The following SIAH1 variants were observed in gnomAD, a reference collection of about 807,000 sequenced individuals.
The protein encoded by SIAH1 is siah E3 ubiquitin protein ligase 1, also known as E3 ubiquitin-protein ligase SIAH1.
SIAH1 carries 2 observed loss-of-function variants against 20.0 expected under a neutral mutation model. The observed-to-expected ratio is 0.10, with a 90% CI of 0.04 to 0.31. SIAH1 has a LOEUF of 0.31. Among genes scored for constraint, SIAH1 ranks in the 10% least tolerant of loss-of-function variants. SIAH1 has a pLI of 1.00. For missense variants in SIAH1, 119 were observed against 355.3 expected (o/e 0.33, Z 5.35); for synonymous variants, 118 against 125.3 (o/e 0.94, Z 0.39).
intron 1 of SIAH1, among the ~76,000 whole-genome samples, chr16:48,384,939 C>G (rs1432287945): frequency 6.9e-6 from 1 of 145,470 alleles, no homozygotes; most frequent in Non-Finnish European, 1.5e-5. Flanking sequence ...CCGCGCGGGG[C>G]CGACCCCCGC....
At chr16:48,363,940 CTTTTTTTTT>C (rs565145479) in intron 1 of SIAH1, 43 of 64,684 alleles carry the variant, frequency 6.6e-4, no homozygotes, top group Non-Finnish European at 7.8e-4. Flanking sequence ...AAGCCATAAT[CTTTTTTTTT>C]TTTTTTTTTT....
chr16:48,378,399 A>C (rs1475157901), intron 1 of SIAH1, among the ~76,000 whole-genome samples: 2 of 152,352 alleles, frequency 1.3e-5, no homozygotes, highest in Non-Finnish European at 2.9e-5. Context: ...TACAAACTCT[A>C]CTGTTCCATT....
At chr16:48,382,197 C>T (rs372285363) in intron 1 of SIAH1, among the ~76,000 whole-genome samples, 5 of 151,926 alleles carry the variant, frequency 3.3e-5, no homozygotes, top group Admixed American at 6.6e-5. Context: ...GGCAAGATGG[C>T]GAGACCTGAC....
chr16:48,365,206 C>T, intron 1 of SIAH1: 1 of 634,762 alleles, frequency 1.6e-6, no homozygotes, highest in Non-Finnish European at 2.7e-6. Context: ...CTGCAGAAGT[C>T]ATGACGTAAC....
chr16:48,383,836 T>C (rs1483863207), intron 1 of SIAH1, among the ~76,000 whole-genome samples: 1 of 152,238 alleles, frequency 6.6e-6, no homozygotes, highest in Admixed American at 6.5e-5. Context: ...TTCTGGTCTA[T>C]GCACTTTCAT....
chr16:48,367,326 A>G (rs182346867), intron 1 of SIAH1, among the ~76,000 whole-genome samples: 2 of 152,368 alleles, frequency 1.3e-5, no homozygotes, highest in African/African-American at 4.8e-5. Flanking sequence ...CAAGCAAAAG[A>G]TATTTCACTG....
In SIAH1 at chr16:48,361,613, A is replaced by G. The variant is rs1451263836; in HGVS notation, c.816T>C (p.Asn272=). 1.2e-6 allele frequency: 2 copies of G among 1,612,994 alleles called. No individual in the cohort carries two copies. Among genetic ancestry groups the G allele is most frequent in the Non-Finnish European group, 1.7e-6 (2 of 1,179,088 alleles). The change falls in exon 2 of 2, where the codon AAT becomes AAC. Residue 272 remains asparagine (N), a synonymous_variant. Coordinates refer to ENST00000394725, the MANE Select transcript of SIAH1 (RefSeq NM_003031.4). The part of the protein sequence containing the change: ...SIAQLFAENG[N]LGINVTISMC ...TGGAAATAGTTACATTGATGCCTAA[A>G]TTGCCATTTTCTGCAAAAAGCTGTG...
intron 1 of SIAH1, among the ~76,000 whole-genome samples, chr16:48,377,988 T>C (rs1330164418): frequency 6.6e-6 from 1 of 152,118 alleles, no homozygotes; most frequent in Non-Finnish European, 1.5e-5. Context: ...AACTTTGTCA[T>C]GGATAAGCAA....
intron 1 of SIAH1, among the ~76,000 whole-genome samples, chr16:48,374,682 T>C (rs982301524): frequency 2.0e-5 from 3 of 151,930 alleles, no homozygotes; most frequent in Admixed American, 6.6e-5. Context: ...CGGCAAGGAA[T>C]GTGAGGTAGC....
At chr16:48,367,237 AGAG>A (rs1960865906) in intron 1 of SIAH1, among the ~76,000 whole-genome samples, 1 of 152,218 alleles carries the variant, frequency 6.6e-6, no homozygotes, top group African/African-American at 2.4e-5. Context: ...AAATTTCCCT[AGAG>A]AAGAAAATTT....
chr16:48,366,052 GC>G (rs150055228), intron 1 of SIAH1, among the ~76,000 whole-genome samples: 1,852 of 152,050 alleles, frequency 0.012, 38 homozygotes, highest in African/African-American at 0.042. Context: ...CGCAAGCCCC[GC>G]CCCCCAGCCA....
intron 1 of SIAH1, among the ~76,000 whole-genome samples, chr16:48,375,119 A>G (rs1280113630): frequency 2.6e-5 from 4 of 152,386 alleles, no homozygotes; most frequent in Non-Finnish European, 4.4e-5. Flanking sequence ...ACTGAACTCC[A>G]GCTAGGGCGA....
upstream of SIAH1, among the ~76,000 whole-genome samples, chr16:48,385,957 C>T (rs921818962): frequency 3.9e-5 from 6 of 152,176 alleles, no homozygotes; most frequent in Admixed American, 1.3e-4. Context: ...CAGCCTCTCC[C>T]GAGGTTGAGC....
intron 1 of SIAH1, among the ~76,000 whole-genome samples, chr16:48,369,478 C>T (rs188860701): frequency 6.6e-6 from 1 of 152,206 alleles, no homozygotes; most frequent in African/African-American, 2.4e-5. Flanking sequence ...GTGGCTCATA[C>T]CTGTAATCCC....
chr16:48,370,675 G>A (rs1345360733), intron 1 of SIAH1, among the ~76,000 whole-genome samples: 5 of 151,954 alleles, frequency 3.3e-5, no homozygotes, highest in African/African-American at 7.3e-5. Flanking sequence ...GCGCGGTGGC[G>A]GGCGCCTGTA....
chr16:48,372,282 AAT>A (rs1472301705), intron 1 of SIAH1, among the ~76,000 whole-genome samples: 1 of 152,206 alleles, frequency 6.6e-6, no homozygotes, highest in Non-Finnish European at 1.5e-5. Context: ...ATTCAGCTGA[AAT>A]AGTTACAATC....
chr16:48,365,566 C>G (rs1228349734), intron 1 of SIAH1: 16 of 1,521,798 alleles, frequency 1.1e-5, no homozygotes, highest in Non-Finnish European at 1.4e-5. Flanking sequence ...ACAGAAGACC[C>G]AAATTCGCGT....
intron 1 of SIAH1, among the ~76,000 whole-genome samples, chr16:48,375,466 T>C (rs1306444868): frequency 6.6e-6 from 1 of 152,002 alleles, no homozygotes; most frequent in Admixed American, 6.6e-5. Context: ...ATGGTGAAAC[T>C]GTTTCTACTA....
At chr16:48,374,613 T>C (rs1031462718) in intron 1 of SIAH1, among the ~76,000 whole-genome samples, 4 of 152,096 alleles carry the variant, frequency 2.6e-5, no homozygotes, top group Non-Finnish European at 4.4e-5. Context: ...AATGACAACT[T>C]TATGCTAGAA....
Sources: gnomAD v4.1 joint callset for allele counts (sites outside exome capture counted in the v4.1 genomes callset) on GRCh38, gnomAD v4.1.1 for gene constraint, MANE v1.5 for transcripts, NCBI Gene and HGNC (gene_info 2026-07-23, HGNC 2026-07-21) for gene names.